Variants in TNNI3K observed in about 807,000 individuals in gnomAD.
TNNI3K encodes TNNI3 interacting kinase.
TNNI3K carries 140 observed loss-of-function variants against 114.5 expected under a neutral mutation model. The observed-to-expected ratio is 1.22, with a 90% CI of 1.07 to 1.41. The LOEUF (loss-of-function observed/expected upper bound fraction) is 1.41, where lower values mean the gene tolerates loss of function less well. TNNI3K is among the 40% of genes most tolerant of loss of function. The pLI, the probability that TNNI3K is intolerant of heterozygous loss-of-function variation, is 0.00. For missense variants in TNNI3K, 1,125 were observed against 1,007.6 expected, an observed-to-expected ratio of 1.12 and a Z score of -1.58; for synonymous variants, 347 against 347.5, an observed-to-expected ratio of 1.00 and a Z score of 0.02.
intron 23 of TNNI3K, among the ~76,000 whole-genome samples, chr1:74,530,840 G>T (rs1273335437): frequency 6.6e-6 from 1 of 151,824 alleles, no homozygotes; most frequent in Non-Finnish European, 1.5e-5. Flanking sequence ...CCTCTTAATG[G>T]TTTGCTCAGC....
chr1:74,518,057 G>A (rs531783916), intron 23 of TNNI3K, among the ~76,000 whole-genome samples: 1 of 152,286 alleles, frequency 6.6e-6, no homozygotes, highest in Admixed American at 6.5e-5. Context: ...GCACTTTTAG[G>A]AGATTAATAG....
intron 23 of TNNI3K, among the ~76,000 whole-genome samples, chr1:74,514,688 T>C (rs1570727435): frequency 6.6e-6 from 1 of 152,182 alleles, no homozygotes; most frequent in African/African-American, 2.4e-5. Flanking sequence ...CAAAGCCATG[T>C]GTGCTCTTTT....
At chr1:74,327,008 G>T (rs1288993911) in intron 5 of TNNI3K, among the ~76,000 whole-genome samples, 1 of 151,484 alleles carries the variant, frequency 6.6e-6, no homozygotes, top group Non-Finnish European at 1.5e-5. Flanking sequence ...TTAAACCTGG[G>T]AGGTGGAGGT....
At chr1:74,243,665 C>T (rs1307999561) in intron 2 of TNNI3K, among the ~76,000 whole-genome samples, 2 of 152,114 alleles carry the variant, frequency 1.3e-5, no homozygotes, top group African/African-American at 4.8e-5. Context: ...CAAAACTGCA[C>T]ACTTTTCTAG....
chr1:74,293,103 A>G (rs1168408883), intron 5 of TNNI3K, among the ~76,000 whole-genome samples: 1 of 151,630 alleles, frequency 6.6e-6, no homozygotes, highest in Admixed American at 6.6e-5. Context: ...CATTTTGTAA[A>G]TGGCATATAA....
chr1:74,532,733 C>T (rs1557632358), intron 23 of TNNI3K, among the ~76,000 whole-genome samples: 1 of 150,110 alleles, frequency 6.7e-6, no homozygotes, highest in African/African-American at 2.5e-5. Context: ...ATCAATGGAA[C>T]AGAACAGAGC....
intron 17 of TNNI3K, among the ~76,000 whole-genome samples, chr1:74,392,954 A>C (rs1274021653): frequency 6.6e-6 from 1 of 152,184 alleles, no homozygotes; most frequent in African/African-American, 2.4e-5. Context: ...TTCTGCCTAA[A>C]CACAAGCCAC....
chr1:74,294,965 T>C (rs1338846103), intron 5 of TNNI3K, among the ~76,000 whole-genome samples: 1 of 152,022 alleles, frequency 6.6e-6, no homozygotes, highest in African/African-American at 2.4e-5. Context: ...GATGAATTAT[T>C]AGATTATTTA....
At chr1:74,432,066 A>ATG (rs111964721) in intron 17 of TNNI3K, among the ~76,000 whole-genome samples, 3,945 of 150,916 alleles carry the variant, frequency 0.026, 149 homozygotes, top group African/African-American at 0.088. Flanking sequence ...AAGTCTGTGT[A>ATG]TGTGTGTGTG....
chr1:74,415,549 C>T (rs924331800), intron 17 of TNNI3K, among the ~76,000 whole-genome samples: 1 of 151,984 alleles, frequency 6.6e-6, no homozygotes, highest in Non-Finnish European at 1.5e-5. Context: ...TTTGAAAAAT[C>T]TTTCTGTAAA....
intron 17 of TNNI3K, among the ~76,000 whole-genome samples, chr1:74,428,630 G>T (rs948096601): frequency 6.6e-6 from 1 of 152,042 alleles, no homozygotes; most frequent in Non-Finnish European, 1.5e-5. Context: ...GTACACGGAG[G>T]TGTCAAGAAT....
At chr1:74,324,086 A>T (rs555639485) in intron 5 of TNNI3K, among the ~76,000 whole-genome samples, 1 of 152,364 alleles carries the variant, frequency 6.6e-6, no homozygotes, top group East Asian at 1.9e-4. Flanking sequence ...TCACAAGAGG[A>T]CTATAAATAT....
At chr1:74,240,963 G>C (rs1239757052) in intron 2 of TNNI3K, 3 of 151,624 alleles carry the variant, frequency 2.0e-5, no homozygotes, top group African/African-American at 7.3e-5. Flanking sequence ...CCCCGTGTGT[G>C]ATGTTCCCCT....
At chr1:74,337,349 G>T (rs949764368) in intron 7 of TNNI3K, among the ~76,000 whole-genome samples, 13 of 151,358 alleles carry the variant, frequency 8.6e-5, no homozygotes, top group Admixed American at 2.0e-4. Flanking sequence ...AAGCTCTTTA[G>T]TTTAATTAGA....
At chr1:74,318,853 C>CTGT (rs1372974469) in intron 5 of TNNI3K, among the ~76,000 whole-genome samples, 9 of 152,210 alleles carry the variant, frequency 5.9e-5, no homozygotes, top group African/African-American at 2.2e-4. Context: ...TTGATCTGAG[C>CTGT]TGTTGCTCCT....
chr1:74,398,043 C>T (rs960868166), intron 17 of TNNI3K, among the ~76,000 whole-genome samples: 2 of 152,210 alleles, frequency 1.3e-5, no homozygotes, highest in South Asian at 2.1e-4. Context: ...TAGAAAGCCT[C>T]CTGCTTCCAG....
chr1:74,412,631 T>G (rs927758641), intron 17 of TNNI3K, among the ~76,000 whole-genome samples: 1 of 152,170 alleles, frequency 6.6e-6, no homozygotes, highest in African/African-American at 2.4e-5. Flanking sequence ...GTTTTTCTTT[T>G]TGAGATGGAG....
At chr1:74,307,870 G>A (rs966166332) in intron 5 of TNNI3K, among the ~76,000 whole-genome samples, 4 of 152,050 alleles carry the variant, frequency 2.6e-5, no homozygotes, top group African/African-American at 9.7e-5. Flanking sequence ...GGTTGAGGCC[G>A]GAGAATCACT....
intron 20 of TNNI3K, among the ~76,000 whole-genome samples, chr1:74,452,559 C>T (rs1468146267): frequency 6.6e-6 from 1 of 152,124 alleles, no homozygotes; most frequent in Non-Finnish European, 1.5e-5. Flanking sequence ...TTCCTTATTT[C>T]ACATGTCAAA....
Sources: gnomAD v4.1 joint callset for allele counts (sites outside exome capture counted in the v4.1 genomes callset) on GRCh38, gnomAD v4.1.1 for gene constraint, MANE v1.5 for transcripts, NCBI Gene and HGNC (gene_info 2026-07-23, HGNC 2026-07-21) for gene names.